ZNF394: variants seen among roughly 807,000 people sequenced by gnomAD.
ZNF394 encodes the protein zinc finger protein 394.
In ZNF394, 19 loss-of-function variants were observed where a neutral mutation model predicts 21.8. The ratio of observed to expected loss-of-function variants is 0.87; its 90% CI spans 0.61 to 1.28. The LOEUF (loss-of-function observed/expected upper bound fraction) is 1.28, where lower values mean the gene tolerates loss of function less well. Ranked by LOEUF, ZNF394 falls within the 50% of genes most tolerant of loss-of-function variation. The pLI is 0.00. For synonymous variants in ZNF394, 294 were observed against 273.3 expected (o/e 1.08, Z -0.75); for missense variants, 683 against 708.6 (o/e 0.96, Z 0.41).
chr7:99,494,884 G>A (rs1055773951), intron 2 of ZNF394, among the ~76,000 whole-genome samples: 5 of 150,366 alleles, frequency 3.3e-5, no homozygotes, highest in East Asian at 2.0e-4. Context: ...ACAAGTGCAC[G>A]CCACCACACC....
At chr7:99,491,997 C>T (rs1420889460), downstream of ZNF394, among the ~76,000 whole-genome samples, 14 of 145,118 alleles carry the variant, frequency 9.6e-5, no homozygotes, top group Non-Finnish European at 1.7e-4. Context: ...GGCATGAACC[C>T]GGGAGGTGGA....
In ZNF394 at chr7:99,493,598, G is replaced by C; in HGVS notation, c.1617C>G (p.His539Gln). ...ECGERFRQST[H>Q]LIRHQRIHQN... Reference sequence around the variant, plus strand: ...GATGAATTCTTTGGTGTCGGATAAGGTGTGTACTTTGTCTAAATCTTTCCC... The same window carrying C: ...GATGAATTCTTTGGTGTCGGATAAGCTGTGTACTTTGTCTAAATCTTTCCC... Residue 539 changes from histidine to glutamine, a missense_variant, in exon 3 of 3, where the codon CAC (histidine) becomes CAG (glutamine). Physicochemically the swap from His to Gln is conservative, Grantham distance 24. This residue lies in a region of ZNF394 where 274 missense variants were observed against 314.1 expected (regional missense o/e 0.87). Transcript: ENST00000337673. The C allele has an allele frequency of 6.2e-7, 1 of 1,614,176 alleles. No homozygotes were observed.
In ZNF394 at chr7:99,500,281, C is replaced by T; in HGVS notation, c.-188G>A. The T allele has an allele frequency of 1.8e-6, 1 of 550,708 alleles. No homozygotes were observed. The highest frequency in any genetic ancestry group is 3.0e-6 in the Non-Finnish European group (1 of 329,902). The allele number at this position is 550,708 out of a possible 1,614,324, so 34.1% of individuals were successfully genotyped here. A position where few individuals can be genotyped will look rare whatever the true frequency, so the allele number is the denominator to read the frequency against. ...ACTCTCTCGGTCAAACAACCGAAAA[C>T]ATCCCGTGCCGGAAGCGCGTCATCG... On this transcript the variant is annotated 5_prime_UTR_variant, in exon 1 of 3. Coordinates refer to ENST00000337673, the MANE Select transcript of ZNF394 (RefSeq NM_032164.4).
chr7:99,487,559 T>C, intron 1 of ZNF394: 2 of 1,505,966 alleles, frequency 1.3e-6, no homozygotes, highest in Non-Finnish European at 1.8e-6. Flanking sequence ...ATCACGTAAT[T>C]GTTTCCATGA....
rs776845781 is a variant in ZNF394 at position 99,494,274 on chromosome 7, C to T, written c.941G>A (p.Gly314Glu). Reference sequence around the variant, plus strand: ...GTGGAAACTTTGCTTGCACTTGTTCCCGTGTTCCTCACTGTCAGTGGGCCT... The same window carrying T: ...GTGGAAACTTTGCTTGCACTTGTTCTCGTGTTCCTCACTGTCAGTGGGCCT... ...AERPTDSEEH[G>E]NKCKQSFHMV... is the part of the protein sequence containing the mutation. Residue 314 changes from glycine to glutamate, a missense_variant, in exon 3 of 3, where the codon GGG becomes GAG. Gly to Glu is a moderately conservative substitution (Grantham distance 98, BLOSUM62 -2). Coordinates refer to ENST00000337673, the MANE Select transcript of ZNF394 (RefSeq NM_032164.4). The T allele has an allele frequency of 3.7e-6, 6 of 1,614,090 alleles. No individual in the cohort carries two copies. The Admixed American group carries it at 8.3e-5, about 22-fold the overall frequency.
At chr7:99,498,321 T>A (rs1800400433) in intron 2 of ZNF394, 1 of 174,770 alleles carries the variant, frequency 5.7e-6, no homozygotes, top group Non-Finnish European at 1.2e-5. Flanking sequence ...ATGGAAGTCA[T>A]GAACACAACA....
intron 2 of ZNF394, chr7:99,498,365 AG>A (rs1261209480): frequency 1.9e-5 from 4 of 207,550 alleles, no homozygotes; most frequent in Non-Finnish European, 4.0e-5. Context: ...AGAAGGATAG[AG>A]GGGAAGGGTT....
At chr7:99,495,287 G>A (rs1443301474) in intron 2 of ZNF394, among the ~76,000 whole-genome samples, 3 of 151,786 alleles carry the variant, frequency 2.0e-5, no homozygotes, top group African/African-American at 2.4e-5. Context: ...GATTACAGGC[G>A]TGAGCCACAG....
At chr7:99,498,684 C>G (rs748112960) in intron 2 of ZNF394, 32 bp downstream of exon 2, 1 of 1,613,402 alleles carries the variant, frequency 6.2e-7, no homozygotes, top group Non-Finnish European at 8.5e-7. Flanking sequence ...AAACCACACA[C>G]CGCAATAAAC....
intron 2 of ZNF394, 94 bp downstream of exon 2, chr7:99,498,622 A>C (rs1302208201): frequency 6.4e-7 from 1 of 1,565,872 alleles, no homozygotes. Context: ...CTCTCAGCCC[A>C]AGTCTGGGAA....
In ZNF394 at chr7:99,486,961, C is replaced by T. The variant is rs771128834; in HGVS notation, n.86G>A. Reference sequence around the variant, plus strand: ...AGCTCTTACGGTCCATAAACAGTGTCACCTGCAAAACAAGCCATACAGATG... The same window carrying T: ...AGCTCTTACGGTCCATAAACAGTGTTACCTGCAAAACAAGCCATACAGATG... On this transcript the variant is annotated splice_region_variant and non_coding_transcript_exon_variant, in exon 2 of 2. Coordinates refer to the ZNF394 transcript ENST00000462024. 5.0e-6 allele frequency: 8 copies of T among 1,614,024 alleles called. No homozygotes were observed. In the Admixed American group the frequency reaches 1.0e-4, roughly 20 times the overall value.
At chr7:99,497,096 G>A (rs1260569801) in intron 2 of ZNF394, among the ~76,000 whole-genome samples, 1 of 95,352 alleles carries the variant, frequency 1.0e-5, no homozygotes, top group Non-Finnish European at 1.9e-5. Context: ...ACGTGTGTGT[G>A]TGTGTGTGTG....
downstream of ZNF394, among the ~76,000 whole-genome samples, chr7:99,488,602 A>C (rs903194234): frequency 6.6e-6 from 1 of 152,010 alleles, no homozygotes; most frequent in African/African-American, 2.4e-5. Context: ...AGGGCTACTC[A>C]CTAGTAACTA....
At chr7:99,487,484 C>G in intron 1 of ZNF394, 1 of 1,606,414 alleles carries the variant, frequency 6.2e-7, no homozygotes, top group Non-Finnish European at 8.5e-7. Context: ...CAGATATCCA[C>G]ATGATGTTAA....
chr7:99,490,248 G>A (rs1019245956), downstream of ZNF394, among the ~76,000 whole-genome samples: 1 of 146,870 alleles, frequency 6.8e-6, no homozygotes, highest in African/African-American at 2.5e-5. Context: ...TCCGCCTCCT[G>A]GGTTCAAGCG....
chr7:99,487,498 GA>G (rs752387755), intron 1 of ZNF394: 1 of 1,600,234 alleles, frequency 6.2e-7, no homozygotes, highest in African/African-American at 1.3e-5. Context: ...ATGTTAATTG[GA>G]AAGCAGTCAT....
intron 2 of ZNF394, among the ~76,000 whole-genome samples, chr7:99,496,877 C>A (rs1467652733): frequency 6.6e-6 from 1 of 150,850 alleles, no homozygotes; most frequent in African/African-American, 2.4e-5. Context: ...CAGCCAACAG[C>A]AAATGTTGAC....
chr7:99,500,080 A>G lies in ZNF394; in HGVS notation c.14T>C (p.Leu5Ser), dbSNP rs150978993. MNSS[L>S]TAQRRGSDAE... ...GTCACTGCCGCGCCTCTGGGCGGTC[A>G]AGCTGGAATTCATCTTTCTCCGGCA... The change falls in exon 1 of 3, where the codon TTG (leucine) becomes TCG (serine). Residue 5 changes from leucine to serine, a missense_variant. Transcript: ENST00000337673. The G allele has an allele frequency of 6.4e-7, 1 of 1,553,664 alleles. No individual in the cohort carries two copies. The highest frequency in any genetic ancestry group is 2.3e-5 in the East Asian group (1 of 44,426).
chr7:99,492,831 G>A (rs1265559549), downstream of ZNF394, among the ~76,000 whole-genome samples: 1 of 150,488 alleles, frequency 6.6e-6, no homozygotes, highest in Non-Finnish European at 1.5e-5. Flanking sequence ...GTGTGCCTGT[G>A]GTCCCAGCTA....
Sources: allele counts gnomAD v4.1 joint callset (sites outside exome capture counted in the v4.1 genomes callset), GRCh38; gene constraint gnomAD v4.1.1; regional missense constraint gnomAD v4.1.1; transcripts MANE v1.5; gene names NCBI Gene and HGNC (gene_info 2026-07-23, HGNC 2026-07-21).